The following PRKCB variants were observed in gnomAD, a reference collection of about 807,000 sequenced individuals.
PRKCB encodes protein kinase C beta type.
Under a neutral mutation model 81.5 loss-of-function variants are expected in PRKCB, and 13 were observed. The ratio of observed to expected loss-of-function variants is 0.16; its 90% CI spans 0.10 to 0.25. The LOEUF (loss-of-function observed/expected upper bound fraction) is 0.25. Ranked by LOEUF, PRKCB falls within the 10% of genes least tolerant of loss-of-function variation. PRKCB has a pLI of 1.00. For synonymous variants in PRKCB, 335 were observed against 321.4 expected (o/e 1.04, Z -0.45); for missense variants, 509 against 875.7 (o/e 0.58, Z 5.29).
chr16:23,996,913 T>C (rs1179407670), intron 3 of PRKCB, among the ~76,000 whole-genome samples: 1 of 152,184 alleles, frequency 6.6e-6, no homozygotes, highest in African/African-American at 2.4e-5. Flanking sequence ...ATCTAGTATA[T>C]GGTGCTTTTT....
chr16:24,016,098 G>T (rs1401161524), intron 3 of PRKCB, among the ~76,000 whole-genome samples: 1 of 152,076 alleles, frequency 6.6e-6, no homozygotes, highest in Non-Finnish European at 1.5e-5. Context: ...ATCCCCTAGG[G>T]ATAACTACCG....
chr16:24,095,831 T>A (rs913345392), intron 7 of PRKCB, among the ~76,000 whole-genome samples: 9 of 152,276 alleles, frequency 5.9e-5, no homozygotes, highest in African/African-American at 1.9e-4. Flanking sequence ...AGTGATCTTA[T>A]CTGCGGGGGT....
chr16:24,192,787 C>T (rs1371221402), intron 16 of PRKCB, among the ~76,000 whole-genome samples: 1 of 152,142 alleles, frequency 6.6e-6, no homozygotes, highest in African/African-American at 2.4e-5. Context: ...CCACCCCAGA[C>T]CTCCTGAATC....
rs1567347182 is a variant in PRKCB, at chr16:24,021,235, C to CTTTCTTTCTTTCT, written c.289-10899_289-10898insTCTTTCTTTCTTT. Among the ~76,000 whole-genome samples, 11 of 15,032 alleles carry CTTTCTTTCTTTCT rather than the reference C, an allele frequency of 7.3e-4. 2 individuals are homozygous for CTTTCTTTCTTTCT. Among genetic ancestry groups the CTTTCTTTCTTTCT allele is most frequent in the African/African-American group, 3.4e-3 (11 of 3,252 alleles). The allele number at this position is 15,032 out of a possible 152,430, so 9.9% of individuals were successfully genotyped here. Reference sequence around the variant, plus strand: ...CTTTCTTTCTTTCTTTCTTTCTTTCCTTCCTTCCTTCCTTCTTCCTTTCTT... The same window carrying CTTTCTTTCTTTCT: ...CTTTCTTTCTTTCTTTCTTTCTTTCCTTTCTTTCTTTCTTTCCTTCCTTCCTTCTTCCTTTCTT... On this transcript the variant is annotated intron_variant, in intron 3 of 16. Transcript: ENST00000643927.
chr16:24,164,758 C>A (rs1364941667), intron 10 of PRKCB, among the ~76,000 whole-genome samples: 1 of 152,162 alleles, frequency 6.6e-6, no homozygotes, highest in Non-Finnish European at 1.5e-5. Flanking sequence ...GAGAGCCAAT[C>A]TGGACTTCAA....
At position 24,019,957 on chromosome 16, in the gene PRKCB, G is replaced by A. The variant is rs117656458; in HGVS notation, c.289-12179G>A. Among the ~76,000 whole-genome samples the A allele has an allele frequency of 1.4e-4, 22 of 152,238 alleles. No individual in the cohort carries two copies. The East Asian group carries it at 3.7e-3, about 25-fold the overall frequency. On this transcript the variant is annotated intron_variant, in intron 3 of 16. Transcript: ENST00000643927. Reference sequence around the variant, plus strand: ...AGGGCTTCAGTGAATAACTGTATCTGTATATTACTTCCTATGTATGCAGGT... The same window carrying A: ...AGGGCTTCAGTGAATAACTGTATCTATATATTACTTCCTATGTATGCAGGT...
At chr16:24,029,043 G>A (rs977492977) in intron 3 of PRKCB, among the ~76,000 whole-genome samples, 2 of 152,222 alleles carry the variant, frequency 1.3e-5, no homozygotes, top group East Asian at 1.9e-4. Flanking sequence ...TGCCCGCCTC[G>A]GCCTCCCAAA....
chr16:23,979,710 C>T (rs1374403192), intron 2 of PRKCB, among the ~76,000 whole-genome samples: 1 of 152,196 alleles, frequency 6.6e-6, no homozygotes, highest in African/African-American at 2.4e-5. Context: ...CATGTAACTG[C>T]ACTGTGTGAG....
chr16:24,128,196 G>A (rs1186489319), intron 9 of PRKCB, among the ~76,000 whole-genome samples: 9 of 152,086 alleles, frequency 5.9e-5, no homozygotes, highest in Admixed American at 5.9e-4. Flanking sequence ...CCAATATGGT[G>A]AAACCCTGTC....
At chr16:24,055,963 G>C (rs988616774) in intron 5 of PRKCB, among the ~76,000 whole-genome samples, 3 of 152,180 alleles carry the variant, frequency 2.0e-5, no homozygotes, top group Admixed American at 1.3e-4. Flanking sequence ...GGAAACTGAG[G>C]CTCAGAGAGG....
intron 9 of PRKCB, among the ~76,000 whole-genome samples, chr16:24,138,533 C>A (rs912822835): frequency 6.6e-6 from 1 of 151,014 alleles, no homozygotes; most frequent in East Asian, 1.9e-4. Flanking sequence ...CCATATATGT[C>A]ACCAATGTTT....
chr16:23,992,941 A>C (rs1217024195), intron 3 of PRKCB, among the ~76,000 whole-genome samples: 1 of 151,998 alleles, frequency 6.6e-6, no homozygotes, highest in Non-Finnish European at 1.5e-5. Context: ...CTCAAGCAAA[A>C]GTGTCATCCC....
intron 7 of PRKCB, among the ~76,000 whole-genome samples, chr16:24,108,804 T>G: frequency 1.3e-5 from 2 of 151,416 alleles, no homozygotes. Flanking sequence ...TCCCCACCTT[T>G]CCTGCCTTTC....
chr16:23,854,125 A>G (rs1391189648), intron 2 of PRKCB, among the ~76,000 whole-genome samples: 1 of 151,448 alleles, frequency 6.6e-6, no homozygotes, highest in African/African-American at 2.4e-5. Flanking sequence ...CCTTCTCATG[A>G]CACATGGGGA....
intron 9 of PRKCB, among the ~76,000 whole-genome samples, chr16:24,125,690 G>A (rs1008205880): frequency 5.9e-5 from 9 of 152,106 alleles, no homozygotes; most frequent in East Asian, 1.9e-4. Context: ...CTTCTCCGTC[G>A]TGGTCGCCAC....
chr16:24,184,394 G>A (rs1967671104), intron 13 of PRKCB, among the ~76,000 whole-genome samples: 1 of 151,810 alleles, frequency 6.6e-6, no homozygotes, highest in East Asian at 1.9e-4. Flanking sequence ...AAGGCTGTGA[G>A]CTGTGAGCTA....
chr16:24,124,062 G>A (rs1315752441), intron 9 of PRKCB, 81 bp downstream of exon 9: 1 of 1,510,710 alleles, frequency 6.6e-7, no homozygotes, highest in Admixed American at 1.8e-5. Context: ...CTATGGGACG[G>A]ACGTCCTAGT....
At chr16:23,857,703 A>G (rs544683228) in intron 2 of PRKCB, among the ~76,000 whole-genome samples, 1 of 148,262 alleles carries the variant, frequency 6.7e-6, no homozygotes, top group Non-Finnish European at 1.5e-5. Flanking sequence ...TGAGGATGTG[A>G]GAGAGAGAGA....
Position 24,216,879 on chromosome 16 carries a change from T to C in PRKCB, c.*2063T>C. Reference sequence around the variant, plus strand: ...CTGGGATAAAAACCTGGGTGTCCTGTCCAGAAAGTGCAGGGTGCTTTCTGC... The same window carrying C: ...CTGGGATAAAAACCTGGGTGTCCTGCCCAGAAAGTGCAGGGTGCTTTCTGC... On this transcript the variant is annotated 3_prime_UTR_variant, in exon 17 of 17. Coordinates refer to ENST00000643927, the MANE Select transcript of PRKCB (RefSeq NM_002738.7). 1.0e-6 allele frequency: 1 copy of C among 985,458 alleles called. No homozygotes were observed. The highest frequency in any genetic ancestry group is 1.2e-6 in the Non-Finnish European group (1 of 829,950). The allele number at this position is 985,458 out of a possible 1,614,324, so 61.0% of individuals were successfully genotyped here.
Sources: gnomAD v4.1 joint callset for allele counts (sites outside exome capture counted in the v4.1 genomes callset) on GRCh38, gnomAD v4.1.1 for gene constraint, MANE v1.5 for transcripts, NCBI Gene and HGNC (gene_info 2026-07-23, HGNC 2026-07-21) for gene names.